CD79A: variants seen among roughly 807,000 people sequenced by gnomAD.
CD79A encodes the protein CD79a molecule, also known as B-cell antigen receptor complex-associated protein alpha chain.
In CD79A, 16 loss-of-function variants were observed where a neutral mutation model predicts 27.4. The observed-to-expected ratio is 0.58, with a 90% CI of 0.40 to 0.89. The LOEUF (loss-of-function observed/expected upper bound fraction) is 0.89. Ranked by LOEUF, CD79A falls within the 40% of genes least tolerant of loss-of-function variation. CD79A has a pLI of 0.00. For synonymous variants in CD79A, 110 were observed against 132.7 expected (o/e 0.83, Z 1.18); for missense variants, 237 against 299.7 (o/e 0.79, Z 1.55).
At position 41,880,650 on chromosome 19, in the gene CD79A, C is replaced by G; in HGVS notation, c.499-20C>G. Reference sequence around the variant, plus strand: ...ACCTCCCCCTGCTCACTGAGGCACCCACCCCACCCACCCCTACAGAAACGA... The same window carrying G: ...ACCTCCCCCTGCTCACTGAGGCACCGACCCCACCCACCCCTACAGAAACGA... On this transcript the variant is annotated intron_variant, in intron 3 of 4. Transcript: ENST00000221972. 3.1e-6 allele frequency: 2 copies of G among 650,824 alleles called. No individual in the cohort carries two copies. Among genetic ancestry groups the G allele is most frequent in the Non-Finnish European group, 2.8e-6 (1 of 351,340 alleles). 40.3% of individuals were successfully genotyped at this position (650,824 alleles called of 1,614,324 possible).
chr19:41,879,865 T>C lies in CD79A; in HGVS notation c.498+212T>C, dbSNP rs2074211525. ...CCCAGGGGGTGTCTTCAATTTAGTT[T>C]CCCCTTCTGGGCTGTCCTCACGTCC... On this transcript the variant is annotated intron_variant, in intron 3 of 4. Transcript: ENST00000221972. The surrounding 1 kb of genome is among the most constrained non-coding windows in gnomAD (Gnocchi z 5.1). 6.6e-6 allele frequency among the ~76,000 whole-genome samples: 1 copy of C among 152,006 alleles called. No individual in the cohort carries two copies. The highest frequency in any genetic ancestry group is 2.1e-4 in the South Asian group (1 of 4,824).
intron 3 of CD79A, 25 bp from the exon 4 acceptor site, chr19:41,880,645 G>GCGGGGGGGC: frequency 7.1e-6 from 8 of 1,134,300 alleles, no homozygotes; most frequent in Non-Finnish European, 1.0e-5. Flanking sequence ...GCTCACTGAG[G>GCGGGGGGGC]CACCCACCCC....
At position 41,879,446 on chromosome 19, in the gene CD79A, G is replaced by T; in HGVS notation, c.380-89G>T. ...CCTCTGCAGAGTGGGGTCTCTGGGGGGTCTGGGGCCTTGCAGGAGGTGGGC... is the reference window on the plus strand; with the variant it reads ...CCTCTGCAGAGTGGGGTCTCTGGGGTGTCTGGGGCCTTGCAGGAGGTGGGC... On this transcript the variant is annotated intron_variant, in intron 2 of 4. Coordinates refer to ENST00000221972, the MANE Select transcript of CD79A (RefSeq NM_001783.4). The surrounding 1 kb of genome is among the most constrained non-coding windows in gnomAD (Gnocchi z 5.1). 8.1e-7 allele frequency: 1 copy of T among 1,232,998 alleles called. No homozygotes were observed. The highest frequency in any genetic ancestry group is 1.2e-6 in the Non-Finnish European group (1 of 866,126). 76.4% of individuals were successfully genotyped at this position (1,232,998 alleles called of 1,614,324 possible).
rs1412066426 is a variant in CD79A, at chr19:41,877,548, C to T, written c.79+165C>T. Among the ~76,000 whole-genome samples the T allele has an allele frequency of 6.6e-6, 1 of 152,052 alleles. No homozygotes were observed. Among genetic ancestry groups the T allele is most frequent in the African/African-American group, 2.4e-5 (1 of 41,380 alleles). ...GAAATCGTATCTGTGCCAAGATGGG[C>T]CAAGGTGGGGCTGGAGGGAGCCCAG... On this transcript the variant is annotated intron_variant, in intron 1 of 4. Transcript: ENST00000221972. This position sits in a 1 kb window ranked among gnomAD's most constrained non-coding sequence, Gnocchi z 4.1.
Position 41,879,577 on chromosome 19 carries a change from A to G in CD79A, c.422A>G (p.Lys141Arg). 6.2e-7 allele frequency: 1 copy of G among 1,612,094 alleles called. No homozygotes were observed. The highest frequency in any genetic ancestry group is 1.1e-5 in the South Asian group (1 of 90,722). The change falls in exon 3 of 5, where the codon AAG becomes AGG. Residue 141 changes from lysine (K) to arginine (R), a missense_variant. Transcript: ENST00000221972. The surrounding 1 kb of genome is among the most constrained non-coding windows in gnomAD (Gnocchi z 5.1). ...TTCCTGGACATGGGGGAGGGCACCA[A>G]GAACCGAATCATCACAGCCGAGGGG... ...RPFLDMGEGT[K>R]NRIITAEGII...
At position 41,881,222 on chromosome 19, in the gene CD79A, G is replaced by A. The variant is rs1033731846; in HGVS notation, c.*242G>A. 27 of 581,830 alleles carry A rather than the reference G, an allele frequency of 4.6e-5. No homozygotes were observed. Among genetic ancestry groups the A allele is most frequent in the Non-Finnish European group, 7.7e-5 (25 of 323,278 alleles). The allele number at this position is 581,830 out of a possible 1,614,324, so 36.0% of individuals were successfully genotyped here. A position where few individuals can be genotyped will look rare whatever the true frequency, so the allele number is the denominator to read the frequency against. On this transcript the variant is annotated 3_prime_UTR_variant, in exon 5 of 5. Coordinates refer to ENST00000221972, the MANE Select transcript of CD79A (RefSeq NM_001783.4). ...CCTCCTAACCTAATCCCCCCGCCCC[G>A]CTGCCTTTCCCAGGCTCCCCTCACC...
rs1316308878 is a variant in CD79A at position 41,878,628 on chromosome 19, CAG to C, written c.80-357_80-356del. Among the ~76,000 whole-genome samples, 4 of 152,214 alleles carry C rather than the reference CAG, an allele frequency of 2.6e-5. No individual in the cohort carries two copies. Among genetic ancestry groups the C allele is most frequent in the Admixed American group, 1.3e-4 (2 of 15,294 alleles). ...GTGCCTGGAACAAACATCCAAAATC[CAG>C]AGAGTTCACAGGGCCAGAGTACAAA... On this transcript the variant is annotated intron_variant, in intron 1 of 4. Transcript: ENST00000221972. The surrounding 1 kb of genome is among the most constrained non-coding windows in gnomAD (Gnocchi z 4.3).
rs1436848493 is a variant in CD79A at position 41,878,124 on chromosome 19, C to T, written c.79+741C>T. On this transcript the variant is annotated intron_variant, in intron 1 of 4. Coordinates refer to ENST00000221972, the MANE Select transcript of CD79A (RefSeq NM_001783.4). The surrounding 1 kb of genome is among the most constrained non-coding windows in gnomAD (Gnocchi z 4.3). ...GAGGAGCCCGGATTGGACACTGCAG[C>T]CAGCCTGAGCCGCCTCGTCTCACTC... is the stretch of plus-strand genomic sequence containing the variant. Among the ~76,000 whole-genome samples the T allele has an allele frequency of 6.6e-6, 1 of 151,980 alleles. No homozygotes were observed. The highest frequency in any genetic ancestry group is 1.5e-5 in the Non-Finnish European group (1 of 67,996).
At position 41,879,452 on chromosome 19, in the gene CD79A, G is replaced by C; in HGVS notation, c.380-83G>C. ...CAGAGTGGGGTCTCTGGGGGGTCTG[G>C]GGCCTTGCAGGAGGTGGGCGGGGCC... is the stretch of plus-strand genomic sequence containing the variant. On this transcript the variant is annotated intron_variant, in intron 2 of 4. Coordinates refer to ENST00000221972, the MANE Select transcript of CD79A (RefSeq NM_001783.4). The surrounding 1 kb of genome is among the most constrained non-coding windows in gnomAD (Gnocchi z 5.1). 2.4e-6 allele frequency: 3 copies of C among 1,240,184 alleles called. No individual in the cohort carries two copies. The highest frequency in any genetic ancestry group is 3.4e-6 in the Non-Finnish European group (3 of 871,342). The allele number at this position is 1,240,184 out of a possible 1,614,324, so 76.8% of individuals were successfully genotyped here.
Position 41,878,965 on chromosome 19 carries a change from A to AGGC in CD79A, c.80-25_80-24insGGC. The AGGC allele has an allele frequency of 1.6e-6, 1 of 612,070 alleles. No homozygotes were observed. The highest frequency in any genetic ancestry group is 3.1e-6 in the Non-Finnish European group (1 of 322,942). 37.9% of individuals were successfully genotyped at this position (612,070 alleles called of 1,614,324 possible). On this transcript the variant is annotated intron_variant, in intron 1 of 4. Coordinates refer to ENST00000221972, the MANE Select transcript of CD79A (RefSeq NM_001783.4). This position sits in a 1 kb window ranked among gnomAD's most constrained non-coding sequence, Gnocchi z 4.3. ...AATGTGTCACCATCCCCAGTCCCTG[A>AGGC]CCCACCCACCCTGTCTCTCCACAGG... is the stretch of plus-strand genomic sequence containing the variant.
chr19:41,880,612 C>G, intron 3 of CD79A, 58 bp from the exon 4 acceptor site: 1 of 1,330,206 alleles, frequency 7.5e-7, no homozygotes, highest in Non-Finnish European at 1.1e-6. Context: ...CCAGGAGGGT[C>G]TGAAAGATAT....
In CD79A at chr19:41,881,366, A is replaced by C; in HGVS notation, c.*386A>C. Reference sequence around the variant, plus strand: ...CACTTAGTGATAATAAATTCTTCCCAACTGCAGACCTTGGCAGGAGTCGTG... The same window carrying C: ...CACTTAGTGATAATAAATTCTTCCCCACTGCAGACCTTGGCAGGAGTCGTG... On this transcript the variant is annotated 3_prime_UTR_variant, in exon 5 of 5. Coordinates refer to ENST00000221972, the MANE Select transcript of CD79A (RefSeq NM_001783.4). The C allele has an allele frequency of 2.6e-6, 1 of 386,994 alleles. No individual in the cohort carries two copies. 24.0% of individuals were successfully genotyped at this position (386,994 alleles called of 1,614,324 possible).
At position 41,879,900 on chromosome 19, in the gene CD79A, C is replaced by G. The variant is rs957079354; in HGVS notation, c.498+247C>G. Among the ~76,000 whole-genome samples the G allele has an allele frequency of 6.6e-6, 1 of 152,252 alleles. No homozygotes were observed. The highest frequency in any genetic ancestry group is 1.5e-5 in the Non-Finnish European group (1 of 68,004). Reference sequence around the variant, plus strand: ...GGCTGTCCTCACGTCCACCTCCCCCCAAGAAGAGTCTCATTCTTCTCCCTA... The same window carrying G: ...GGCTGTCCTCACGTCCACCTCCCCCGAAGAAGAGTCTCATTCTTCTCCCTA... On this transcript the variant is annotated intron_variant, in intron 3 of 4. Transcript: ENST00000221972. This position sits in a 1 kb window ranked among gnomAD's most constrained non-coding sequence, Gnocchi z 5.1.
At chr19:41,880,646 C>CCG in intron 3 of CD79A, 24 bp from the exon 4 acceptor site, 1 of 1,069,090 alleles carries the variant, frequency 9.4e-7, no homozygotes, top group Non-Finnish European at 1.4e-6. Context: ...CTCACTGAGG[C>CCG]ACCCACCCCA....
chr19:41,880,449 A>AAGGGAAGGG, intron 3 of CD79A, among the ~76,000 whole-genome samples: 1 of 79,352 alleles, frequency 1.3e-5, no homozygotes, highest in Middle Eastern at 7.7e-3. Context: ...GAAGGAAGGG[A>AAGGGAAGGG]AGGGAAGGAA....
chr19:41,881,024 G>A lies in CD79A; in HGVS notation c.*44G>A. Reference sequence around the variant, plus strand: ...GCTGCCCCCGCCTGCTGTGCACCCAGCTCCAGTGTCTCAGCTCACTTCCCT... The same window carrying A: ...GCTGCCCCCGCCTGCTGTGCACCCAACTCCAGTGTCTCAGCTCACTTCCCT... On this transcript the variant is annotated 3_prime_UTR_variant, in exon 5 of 5. Coordinates refer to ENST00000221972, the MANE Select transcript of CD79A (RefSeq NM_001783.4). 8.7e-7 allele frequency: 1 copy of A among 1,148,274 alleles called. No individual in the cohort carries two copies. The highest frequency in any genetic ancestry group is 1.3e-5 in the South Asian group (1 of 76,364). 71.1% of individuals were successfully genotyped at this position (1,148,274 alleles called of 1,614,324 possible).
In CD79A at chr19:41,880,712, G is replaced by A. The variant is rs1555844085; in HGVS notation, c.541G>A (p.Glu181Lys). Residue 181 changes from glutamate (E) to lysine (K), a missense_variant, in exon 4 of 5, where the codon GAA (glutamate) becomes AAA (lysine). Coordinates refer to ENST00000221972, the MANE Select transcript of CD79A (RefSeq NM_001783.4). ...GAAGCTCGGGTTGGATGCCGGGGAT[G>A]AATATGAAGATGAAAACCTTTATGA... ...NEKLGLDAGD[E>K]YEDENLYEGL... The A allele has an allele frequency of 2.6e-6, 4 of 1,534,446 alleles. No homozygotes were observed. Among genetic ancestry groups the A allele is most frequent in the South Asian group, 1.2e-5 (1 of 83,664 alleles).
chr19:41,881,319 C>T lies in CD79A; in HGVS notation c.*339C>T. Reference sequence around the variant, plus strand: ...GTAGCAGCCTCGTTAGTGTCACCCCCTCCTCCCTGATCTGTCAGGGCCACT... The same window carrying T: ...GTAGCAGCCTCGTTAGTGTCACCCCTTCCTCCCTGATCTGTCAGGGCCACT... On this transcript the variant is annotated 3_prime_UTR_variant, in exon 5 of 5. Transcript: ENST00000221972. 1 of 466,278 alleles carries T rather than the reference C, an allele frequency of 2.1e-6. No homozygotes were observed. The highest frequency in any genetic ancestry group is 2.2e-5 in the South Asian group (1 of 45,610). 28.9% of individuals were successfully genotyped at this position (466,278 alleles called of 1,614,324 possible). A position where few individuals can be genotyped will look rare whatever the true frequency, so the allele number is the denominator to read the frequency against.
chr19:41,879,470 GC>G lies in CD79A; in HGVS notation c.380-64del. On this transcript the variant is annotated intron_variant, in intron 2 of 4. Transcript: ENST00000221972. This position sits in a 1 kb window ranked among gnomAD's most constrained non-coding sequence, Gnocchi z 5.1. The stretch of plus-strand genomic sequence containing the variant: ...GGGTCTGGGGCCTTGCAGGAGGTGG[GC>G]GGGGCCAGGAGGCTAGGGAGGGCAA... 7.6e-7 allele frequency: 1 copy of G among 1,315,906 alleles called. No individual in the cohort carries two copies. The allele number at this position is 1,315,906 out of a possible 1,614,324, so 81.5% of individuals were successfully genotyped here.
Sources: allele counts gnomAD v4.1 joint callset (sites outside exome capture counted in the v4.1 genomes callset), GRCh38; gene constraint gnomAD v4.1.1; non-coding constraint Gnocchi (gnomAD v3.1); transcripts MANE v1.5; gene names NCBI Gene and HGNC (gene_info 2026-07-23, HGNC 2026-07-21).